CTU1: variants seen among roughly 807,000 people sequenced by gnomAD.
CTU1 encodes the protein cytoplasmic tRNA 2-thiolation protein 1.
A neutral mutation model predicts 12.9 loss-of-function variants in CTU1; 15 were observed. The ratio of observed to expected loss-of-function variants is 1.16; its 90% confidence interval spans 0.78 to 1.79. CTU1 has a LOEUF of 1.79. Among genes scored for constraint, CTU1 ranks in the 40% most tolerant of loss-of-function variants. The pLI, the probability that CTU1 is intolerant of heterozygous loss-of-function variation, is 0.00. For missense variants in CTU1, 553 were observed against 550.5 expected (o/e 1.00, Z -0.05); for synonymous variants, 295 against 275.6 (o/e 1.07, Z -0.70).
chr19:51,104,213 T>C lies in CTU1; in HGVS notation c.357A>G (p.Glu119=). Residue 119 remains glutamate (E), a synonymous_variant, in exon 2 of 3, where the codon GAA becomes GAG. Transcript: ENST00000421832. The stretch of plus-strand genomic sequence containing the variant: ...CCATCGTCCAGCCCCCAAAGAGGTC[T>C]TCGTAGGCCACGACCGTGAGCGGCA... The part of the protein sequence containing the change: ...WELPLTVVAY[E]DLFGGWTMDA... 1 of 1,520,210 alleles carries C rather than the reference T, an allele frequency of 6.6e-7. No homozygotes were observed. Among genetic ancestry groups the C allele is most frequent in the Non-Finnish European group, 8.8e-7 (1 of 1,140,098 alleles). The allele number at this position is 1,520,210 out of a possible 1,614,324, so 94.2% of individuals were successfully genotyped here. A position where few individuals can be genotyped will look rare whatever the true frequency, so the allele number is the denominator to read the frequency against.
chr19:51,099,236 A>T, intron 2 of CTU1, 97 bp from the exon 3 acceptor site: 1 of 1,128,904 alleles, frequency 8.9e-7, no homozygotes, highest in East Asian at 3.0e-5. Flanking sequence ...GGACCCAGAG[A>T]GAGACTGGGA....
Position 51,099,018 on chromosome 19 carries a change from G to T in CTU1, c.630C>A (p.Cys210Ter). 1 of 1,512,542 alleles carries T rather than the reference G, an allele frequency of 6.6e-7. No homozygotes were observed. The highest frequency in any genetic ancestry group is 2.6e-5 in the East Asian group (1 of 38,456). The allele number at this position is 1,512,542 out of a possible 1,614,324, so 93.7% of individuals were successfully genotyped here. Residue 210 changes from cysteine (C) to a stop codon, truncating the protein, a stop_gained, in exon 3 of 3, where the codon TGC (cysteine) becomes TGA (stop). Transcript: ENST00000421832. LOFTEE classifies it high-confidence loss of function. ...TCTGCGAGGCGAACTGCAGCGGGCG[G>T]CAGCGCGGCAGGGCGCCCCCCTCGC... ...SPGEGGALPR[C>*]RPLQFASQKE... is the part of the protein sequence containing the mutation.
At chr19:51,106,687 T>C (rs185001462) in intron 1 of CTU1, among the ~76,000 whole-genome samples, 88 of 151,080 alleles carry the variant, frequency 5.8e-4, no homozygotes, top group African/African-American at 1.9e-3. Context: ...TTTTTTTTTT[T>C]TTGTATTTTT....
chr19:51,103,460 C>T lies in CTU1; in HGVS notation c.508+602G>A, dbSNP rs1425736974. Among the ~76,000 whole-genome samples the T allele has an allele frequency of 4.6e-5, 7 of 152,006 alleles. No individual in the cohort carries two copies. In the South Asian group the frequency reaches 1.5e-3, roughly 32 times the overall value. ...ATTAGCTGGGCGTGGTGGCAGGCACCTGTAGCCCCGGCTACTCGGGAGGCT... is the reference window on the plus strand; with the variant it reads ...ATTAGCTGGGCGTGGTGGCAGGCACTTGTAGCCCCGGCTACTCGGGAGGCT... On this transcript the variant is annotated intron_variant, in intron 2 of 2. Transcript: ENST00000421832.
chr19:51,103,908 A>C (rs79969007), intron 2 of CTU1, among the ~76,000 whole-genome samples, 154 bp downstream of exon 2: 1 of 151,966 alleles, frequency 6.6e-6, no homozygotes, highest in Non-Finnish European at 1.5e-5. Context: ...GCCCTTCCGC[A>C]CCTCCGTACA....
At position 51,104,077 on chromosome 19, in the gene CTU1, TG is replaced by T; in HGVS notation, c.492del (p.Thr165ArgfsTer4). On this transcript the variant is annotated frameshift_variant, in exon 2 of 3. Coordinates refer to ENST00000421832, the MANE Select transcript of CTU1 (RefSeq NM_145232.4). LOFTEE classifies it high-confidence loss of function. The stretch of plus-strand genomic sequence containing the variant: ...CTACGCTCACCTGTCACGATGTGCG[TG>T]GCTCCCACGCGGCGCGCCCCTTCCT... ...ALEEGARRVG[A>X]THIVTGHNAD... 6.8e-7 allele frequency: 1 copy of T among 1,460,344 alleles called. No individual in the cohort carries two copies. The highest frequency in any genetic ancestry group is 2.8e-5 in the Admixed American group (1 of 36,040). 90.5% of individuals were successfully genotyped at this position (1,460,344 alleles called of 1,614,324 possible). A position where few individuals can be genotyped will look rare whatever the true frequency, so the allele number is the denominator to read the frequency against.
At chr19:51,099,996 T>C (rs993501705) in intron 2 of CTU1, among the ~76,000 whole-genome samples, 2 of 151,404 alleles carry the variant, frequency 1.3e-5, no homozygotes, top group South Asian at 2.1e-4. Context: ...CCTTTGAACA[T>C]AGTGGGCAGC....
In CTU1 at chr19:51,098,810, G is replaced by C. The variant is rs1437891764; in HGVS notation, c.838C>G (p.Arg280Gly). ...GAGCAGGCGCCGGGGCGCGGGGGCC[G>C]CGCGGCCGGGGCCAGCGCCAGGCGC... ...AERLALAPAA[R>G]PPRPGACSRC... The change falls in exon 3 of 3, where the codon CGG becomes GGG. Residue 280 changes from arginine to glycine, a missense_variant. By Grantham distance (125) the Arg-to-Gly change is moderately radical. Coordinates refer to ENST00000421832, the MANE Select transcript of CTU1 (RefSeq NM_145232.4). This position sits in a 1 kb window ranked among gnomAD's most constrained non-coding sequence, Gnocchi z 4.3. The C allele has an allele frequency of 9.5e-7, 1 of 1,051,372 alleles. No homozygotes were observed. The highest frequency in any genetic ancestry group is 1.1e-6 in the Non-Finnish European group (1 of 873,140). 65.1% of individuals were successfully genotyped at this position (1,051,372 alleles called of 1,614,324 possible).
At chr19:51,100,726 T>C (rs2091905366) in intron 2 of CTU1, among the ~76,000 whole-genome samples, 1 of 152,176 alleles carries the variant, frequency 6.6e-6, no homozygotes, top group Non-Finnish European at 1.5e-5. Context: ...AAGGCAGCAC[T>C]CTTGACACTT....
intron 2 of CTU1, among the ~76,000 whole-genome samples, chr19:51,101,191 C>G (rs1005790209): frequency 1.3e-5 from 2 of 152,178 alleles, no homozygotes; most frequent in African/African-American, 4.8e-5. Context: ...AGTGATCCAC[C>G]TGCCTCGGCC....
chr19:51,098,633 G>T lies in CTU1; in HGVS notation c.1015C>A (p.Pro339Thr). 2 of 1,310,586 alleles carry T rather than the reference G, an allele frequency of 1.5e-6. No homozygotes were observed. The highest frequency in any genetic ancestry group is 1.9e-6 in the Non-Finnish European group (2 of 1,028,874). The allele number at this position is 1,310,586 out of a possible 1,614,324, so 81.2% of individuals were successfully genotyped here. Residue 339 changes from proline (P) to threonine (T), a missense_variant, in exon 3 of 3, where the codon CCC (proline) becomes ACC (threonine). Around this residue, in one of 2 missense-constraint regions of CTU1, gnomAD observed 53 missense variants for 92.0 expected, o/e 0.58. Coordinates refer to ENST00000421832, the MANE Select transcript of CTU1 (RefSeq NM_145232.4). This position sits in a 1 kb window ranked among gnomAD's most constrained non-coding sequence, Gnocchi z 4.3. ...GTGGGGACGGCCTTGGAGGCGGGGG[G>T]CCGGGCCGGATCCCCGGGCGTCCCC... ...TPGTPGDPAR[P>T]PASKAVPTF
intron 2 of CTU1, among the ~76,000 whole-genome samples, chr19:51,100,934 C>T (rs200070521): frequency 0.11 from 16,544 of 145,520 alleles, 1,330 homozygotes; most frequent in Admixed American, 0.27. Context: ...TTTTATTGTG[C>T]GTGTGTGTGT....
At chr19:51,103,572 G>T (rs1249140128) in intron 2 of CTU1, among the ~76,000 whole-genome samples, 2 of 126,284 alleles carry the variant, frequency 1.6e-5, no homozygotes, top group African/African-American at 6.2e-5. Context: ...GAGACAGAGC[G>T]AGACTCTGTC....
At chr19:51,103,451 G>A (rs1390000240) in intron 2 of CTU1, among the ~76,000 whole-genome samples, 1 of 152,098 alleles carries the variant, frequency 6.6e-6, no homozygotes, top group African/African-American at 2.4e-5. Context: ...TGGGCGTGGT[G>A]GCAGGCACCT....
intron 2 of CTU1, among the ~76,000 whole-genome samples, chr19:51,101,930 G>A (rs1319431163): frequency 6.6e-6 from 1 of 152,092 alleles, no homozygotes; most frequent in African/African-American, 2.4e-5. Flanking sequence ...TTTCTGGAAG[G>A]CTTCATTACT....
chr19:51,099,197 G>T (rs2091901322), intron 2 of CTU1, 58 bp from the exon 3 acceptor site: 3 of 1,470,868 alleles, frequency 2.0e-6, no homozygotes, highest in South Asian at 1.2e-5. Flanking sequence ...GCTGGCCAGG[G>T]AGCCCCCCGG....
In CTU1 at chr19:51,098,584, C is replaced by A. The variant is rs2091897169; in HGVS notation, c.*17G>T. 7.9e-7 allele frequency: 1 copy of A among 1,259,460 alleles called. No individual in the cohort carries two copies. Among genetic ancestry groups the A allele is most frequent in the South Asian group, 2.7e-5 (1 of 36,594 alleles). 78.0% of individuals were successfully genotyped at this position (1,259,460 alleles called of 1,614,324 possible). The stretch of plus-strand genomic sequence containing the variant: ...CCCACCCCGCGGCATCAGATCCCGG[C>A]GGGAGGCCCGAAGTCGCTAGAAGGT... On this transcript the variant is annotated 3_prime_UTR_variant, in exon 3 of 3. Transcript: ENST00000421832. The surrounding 1 kb of genome is among the most constrained non-coding windows in gnomAD (Gnocchi z 4.3).
rs746986273 is a variant in CTU1, at chr19:51,103,584, CAAAAA to C, written c.508+473_508+477del. Among the ~76,000 whole-genome samples, 552 of 96,250 alleles carry C rather than the reference CAAAAA, an allele frequency of 5.7e-3. 7 individuals carry two copies. The highest frequency in any genetic ancestry group is 0.021 in the African/African-American group (517 of 24,584). 63.1% of individuals were successfully genotyped at this position (96,250 alleles called of 152,430 possible). A position where few individuals can be genotyped will look rare whatever the true frequency, so the allele number is the denominator to read the frequency against. On this transcript the variant is annotated intron_variant, in intron 2 of 2. Coordinates refer to ENST00000421832, the MANE Select transcript of CTU1 (RefSeq NM_145232.4). The stretch of plus-strand genomic sequence containing the variant: ...TGGGAGACAGAGCGAGACTCTGTCT[CAAAAA>C]AAAAAAAAAAAAAAAAGTTATCAAA...
chr19:51,101,684 G>A (rs957703278), intron 2 of CTU1, among the ~76,000 whole-genome samples: 1 of 152,176 alleles, frequency 6.6e-6, no homozygotes, highest in Non-Finnish European at 1.5e-5. Context: ...GCCAAGCCCT[G>A]TGACCTTGAG....
Sources: gnomAD v4.1 joint callset for allele counts (sites outside exome capture counted in the v4.1 genomes callset) on GRCh38, gnomAD v4.1.1 for gene constraint, gnomAD v4.1.1 regional missense constraint, Gnocchi (gnomAD v3.1) non-coding constraint, MANE v1.5 for transcripts, NCBI Gene and HGNC (gene_info 2026-07-23, HGNC 2026-07-21) for gene names.